Variants in ATRX observed in about 807,000 individuals in gnomAD.
The protein encoded by ATRX is ATRX chromatin remodeler.
Under a neutral mutation model 172.6 loss-of-function variants are expected in ATRX, and 12 were observed. The observed-to-expected ratio is 0.07, with a 90% CI of 0.04 to 0.11. The LOEUF is 0.11. Among genes scored for constraint, ATRX ranks in the 10% least tolerant of loss-of-function variants. The pLI is 1.00. For synonymous variants in ATRX, 674 were observed against 594.7 expected, an observed-to-expected ratio of 1.13 and a Z score of -1.94; for missense variants, 1,368 against 1,767.4, an observed-to-expected ratio of 0.77 and a Z score of 4.05.
chrX:77,657,808 C>T (rs1266174939), intron 12 of ATRX, among the ~76,000 whole-genome samples: 1 of 111,859 alleles, frequency 8.9e-6, no homozygotes, highest in Non-Finnish European at 1.9e-5. Context: ...TATCTCCCAA[C>T]AAAATACTAA....
At chrX:77,552,714 G>T in intron 30 of ATRX, among the ~76,000 whole-genome samples, 1 of 111,309 alleles carries the variant, frequency 9.0e-6, no homozygotes, top group Non-Finnish European at 1.9e-5. Flanking sequence ...AAGAAAAATA[G>T]TCAGGTGGCT....
intron 1 of ATRX, among the ~76,000 whole-genome samples, chrX:77,771,623 A>G (rs1270213863): frequency 9.2e-6 from 1 of 108,754 alleles, no homozygotes; most frequent in Non-Finnish European, 1.9e-5. Context: ...AATACTTGCT[A>G]TCAACTCTCT....
intron 10 of ATRX, 135 bp from the exon 11 acceptor site, chrX:77,664,913 C>G: frequency 1.6e-6 from 1 of 632,654 alleles, no homozygotes. Context: ...AAATAAACAA[C>G]TAGCAAAACC....
chrX:77,620,347 C>A (rs782717932), intron 20 of ATRX, 48 bp downstream of exon 20: 1 of 1,175,477 alleles, frequency 8.5e-7, no homozygotes, highest in Non-Finnish European at 1.2e-6. Flanking sequence ...AAAAATATAT[C>A]TGAGGAAATA....
chrX:77,783,970 T>TGG (rs1557206606), intron 1 of ATRX, among the ~76,000 whole-genome samples: 1 of 112,432 alleles, frequency 8.9e-6, no homozygotes, highest in Non-Finnish European at 1.9e-5. Context: ...AATGTAACAT[T>TGG]ATAAACAGCT....
chrX:77,747,576 G>A (rs1557185698), intron 1 of ATRX, among the ~76,000 whole-genome samples: 1 of 111,562 alleles, frequency 9.0e-6, no homozygotes, highest in Non-Finnish European at 1.9e-5. Flanking sequence ...CTATTCAAGA[G>A]CACATTCATT....
intron 1 of ATRX, among the ~76,000 whole-genome samples, chrX:77,778,803 T>C (rs1290055693): frequency 9.0e-6 from 1 of 111,462 alleles, no homozygotes; most frequent in Non-Finnish European, 1.9e-5. Context: ...TTCTTCCAAA[T>C]AGAAAATGCT....
At chrX:77,581,322 C>T (rs990996601) in intron 27 of ATRX, among the ~76,000 whole-genome samples, 1 of 111,363 alleles carries the variant, frequency 9.0e-6, no homozygotes, top group Non-Finnish European at 1.9e-5. Flanking sequence ...TACAAGAACA[C>T]ACTTCACCTG....
At chrX:77,615,974 T>C (rs2067340446) in intron 22 of ATRX, 1 of 751,816 alleles carries the variant, frequency 1.3e-6, no homozygotes, top group Non-Finnish European at 1.6e-6. Context: ...TTAGGTTTTG[T>C]TGTGTGAAGA....
At position 77,541,708 on chromosome X, in the gene ATRX, G is replaced by A. The variant is rs1187619918; in HGVS notation, c.6699+15743C>T. ...AATCTAGCATATAAACAGAACCAAT[G>A]ACAAAAACCATATGATTATCTCAAT... On this transcript the variant is annotated intron_variant, in intron 30 of 34. Coordinates refer to ENST00000373344, the MANE Select transcript of ATRX (RefSeq NM_000489.6). 2.7e-5 allele frequency among the ~76,000 whole-genome samples: 3 copies of A among 111,673 alleles called. No individual in the cohort carries two copies. The East Asian group carries it at 8.4e-4, about 31-fold the overall frequency.
intron 34 of ATRX, among the ~76,000 whole-genome samples, chrX:77,518,133 C>T (rs1433807962): frequency 8.9e-6 from 1 of 111,930 alleles, no homozygotes; most frequent in Non-Finnish European, 1.9e-5. Flanking sequence ...CAGCTTTTAC[C>T]ACTGTTATTC....
At chrX:77,644,934 C>T (rs1348894919) in intron 15 of ATRX, among the ~76,000 whole-genome samples, 1 of 111,174 alleles carries the variant, frequency 9.0e-6, no homozygotes, top group East Asian at 2.8e-4. Context: ...AACTCAAATA[C>T]GTATAGATCA....
At chrX:77,543,112 A>T (rs1557051650) in intron 30 of ATRX, among the ~76,000 whole-genome samples, 1 of 112,480 alleles carries the variant, frequency 8.9e-6, no homozygotes, top group African/African-American at 3.2e-5. Context: ...AAACAAATTT[A>T]CAAGAAAAAA....
chrX:77,664,346 GC>G (rs1417567784), intron 11 of ATRX, among the ~76,000 whole-genome samples: 3 of 108,572 alleles, frequency 2.8e-5, no homozygotes, highest in African/African-American at 1.0e-4. Flanking sequence ...TGCAACCTCT[GC>G]CTCCCAGGTT....
intron 10 of ATRX, among the ~76,000 whole-genome samples, chrX:77,671,170 ATATATATATATATAT>A (rs2070581969): frequency 2.0e-4 from 10 of 50,487 alleles, no homozygotes; most frequent in Admixed American, 9.1e-4. Flanking sequence ...AAAAAAAAAT[ATATATATATATATAT>A]ATATATATAT....
chrX:77,659,850 T>G (rs932334678), intron 12 of ATRX, among the ~76,000 whole-genome samples: 4 of 111,641 alleles, frequency 3.6e-5, no homozygotes, highest in African/African-American at 1.3e-4. Flanking sequence ...TCAATTCAAA[T>G]TTCCAAATAA....
intron 28 of ATRX, among the ~76,000 whole-genome samples, chrX:77,572,201 T>G (rs1557067845): frequency 9.0e-6 from 1 of 111,074 alleles, no homozygotes; most frequent in Non-Finnish European, 1.9e-5. Flanking sequence ...ATGTACAGGT[T>G]GAACAGCCCA....
intron 15 of ATRX, among the ~76,000 whole-genome samples, chrX:77,643,292 C>A (rs1395524637): frequency 9.0e-6 from 1 of 110,878 alleles, no homozygotes; most frequent in Non-Finnish European, 1.9e-5. Context: ...CACAAAACAA[C>A]TGCAACGTGA....
intron 1 of ATRX, among the ~76,000 whole-genome samples, chrX:77,785,072 G>T (rs1212095908): frequency 9.0e-6 from 1 of 111,589 alleles, no homozygotes; most frequent in Non-Finnish European, 1.9e-5. Context: ...AGGCAAATCA[G>T]AAGCACACAG....
Sources: gnomAD v4.1 joint callset for allele counts (sites outside exome capture counted in the v4.1 genomes callset) on GRCh38, gnomAD v4.1.1 for gene constraint, MANE v1.5 for transcripts, NCBI Gene and HGNC (gene_info 2026-07-23, HGNC 2026-07-21) for gene names.